Variants in ONECUT2 observed in about 807,000 individuals in gnomAD.
The protein encoded by ONECUT2 is one cut homeobox 2, also known as one cut domain family member 2.
In ONECUT2, 10 loss-of-function variants were observed where a neutral mutation model predicts 27.9. That is an observed-to-expected ratio of 0.36 (90% CI 0.22 to 0.61). The LOEUF (loss-of-function observed/expected upper bound fraction) is 0.61, where lower values mean the gene tolerates loss of function less well. ONECUT2 is among the 20% of genes least tolerant of loss of function. The pLI is 0.73. For missense variants in ONECUT2, 686 were observed against 721.0 expected (o/e 0.95, Z 0.56); for synonymous variants, 334 against 315.1 (o/e 1.06, Z -0.64).
intron 1 of ONECUT2, among the ~76,000 whole-genome samples, chr18:57,447,593 T>C (rs886809372): frequency 3.9e-5 from 6 of 152,176 alleles, no homozygotes; most frequent in Admixed American, 1.3e-4. Context: ...TTTCTCCATG[T>C]TGCTGCCTTC....
At chr18:57,440,162 G>A (rs2050166428) in intron 1 of ONECUT2, among the ~76,000 whole-genome samples, 1 of 152,266 alleles carries the variant, frequency 6.6e-6, no homozygotes, top group Admixed American at 6.5e-5. Flanking sequence ...AACCCCGCCC[G>A]GTCGGGCCTT....
In ONECUT2 at chr18:57,456,215, C is replaced by G. The variant is rs187622295; in HGVS notation, c.1228+19271C>G. Among the ~76,000 whole-genome samples, 3 of 152,238 alleles carry G rather than the reference C, an allele frequency of 2.0e-5. No homozygotes were observed. The East Asian group carries it at 5.8e-4, about 29-fold the overall frequency. ...TTTAAAATGTGAGTTATCACATGAC[C>G]CAGAAATACCACTTCTGAGTATACA... is the stretch of plus-strand genomic sequence containing the variant. On this transcript the variant is annotated intron_variant, in intron 1 of 1. Coordinates refer to ENST00000491143, the MANE Select transcript of ONECUT2 (RefSeq NM_004852.3).
rs554260539 is a variant in ONECUT2, at chr18:57,491,217, C to T, written c.*14494C>T. The T allele has an allele frequency of 2.4e-4, 37 of 152,550 alleles. No homozygotes were observed. The highest frequency in any genetic ancestry group is 8.4e-4 in the African/African-American group (35 of 41,560). 9.4% of individuals were successfully genotyped at this position (152,550 alleles called of 1,614,324 possible). A position where few individuals can be genotyped will look rare whatever the true frequency, so the allele number is the denominator to read the frequency against. Reference sequence around the variant, plus strand: ...TCTGCAACATCGCTTACACTGGATTCTTTCTATTTTTATTCCTATCATTAA... The same window carrying T: ...TCTGCAACATCGCTTACACTGGATTTTTTCTATTTTTATTCCTATCATTAA... On this transcript the variant is annotated 3_prime_UTR_variant, in exon 2 of 2. Transcript: ENST00000491143.
chr18:57,474,331 C>T (rs933898739), intron 1 of ONECUT2, among the ~76,000 whole-genome samples: 7 of 152,144 alleles, frequency 4.6e-5, no homozygotes, highest in Admixed American at 1.3e-4. Flanking sequence ...GTATCTTTCC[C>T]GTAAGTGTTT....
intron 1 of ONECUT2, among the ~76,000 whole-genome samples, chr18:57,469,645 CT>C (rs2050342884): frequency 6.6e-6 from 1 of 152,234 alleles, no homozygotes; most frequent in Admixed American, 6.5e-5. Context: ...AAACAAACAT[CT>C]TTAACCTTTT....
At chr18:57,470,246 G>A (rs575660337) in intron 1 of ONECUT2, among the ~76,000 whole-genome samples, 1 of 152,280 alleles carries the variant, frequency 6.6e-6, no homozygotes, top group Non-Finnish European at 1.5e-5. Context: ...TCCAAGTTGA[G>A]TGGGGAGTTC....
intron 1 of ONECUT2, among the ~76,000 whole-genome samples, 159 bp from the exon 2 acceptor site, chr18:57,476,278 C>T (rs1234650267): frequency 6.6e-6 from 1 of 152,244 alleles, no homozygotes; most frequent in Admixed American, 6.5e-5. Flanking sequence ...CCTTCCATCA[C>T]CCGGAGATTA....
At chr18:57,460,123 T>C (rs1266666837) in intron 1 of ONECUT2, among the ~76,000 whole-genome samples, 1 of 151,004 alleles carries the variant, frequency 6.6e-6, no homozygotes, top group African/African-American at 2.4e-5. Context: ...GATGGAGTCT[T>C]GCTATGTTAC....
intron 1 of ONECUT2, among the ~76,000 whole-genome samples, chr18:57,438,010 C>T (rs895020348): frequency 7.2e-5 from 11 of 152,252 alleles, no homozygotes; most frequent in Non-Finnish European, 1.2e-4. Context: ...GCCGGCTCGG[C>T]TCTTTGTGCC....
intron 1 of ONECUT2, among the ~76,000 whole-genome samples, chr18:57,439,386 G>A (rs539920162): frequency 6.6e-6 from 1 of 152,244 alleles, no homozygotes; most frequent in African/African-American, 2.4e-5. Context: ...TGAGGACCCC[G>A]CTTTGCTCGA....
intron 1 of ONECUT2, among the ~76,000 whole-genome samples, chr18:57,441,493 C>G (rs1266563189): frequency 6.6e-6 from 1 of 152,240 alleles, no homozygotes; most frequent in African/African-American, 2.4e-5. Flanking sequence ...TCGCGGGGCT[C>G]TCTGCCCTCT....
In ONECUT2 at chr18:57,482,047, A is replaced by C. The variant is rs1335541179; in HGVS notation, c.*5324A>C. 6.6e-6 allele frequency: 1 copy of C among 152,182 alleles called. No homozygotes were observed. Among genetic ancestry groups the C allele is most frequent in the Non-Finnish European group, 1.5e-5 (1 of 68,032 alleles). 9.4% of individuals were successfully genotyped at this position (152,182 alleles called of 1,614,324 possible). A position where few individuals can be genotyped will look rare whatever the true frequency, so the allele number is the denominator to read the frequency against. On this transcript the variant is annotated 3_prime_UTR_variant, in exon 2 of 2. Coordinates refer to ENST00000491143, the MANE Select transcript of ONECUT2 (RefSeq NM_004852.3). ...AACTTGATATATTAGTAATTTTTTT[A>C]TCTTTAGCTAAGATCAAGTCACCCC...
rs778121953 is a variant in ONECUT2, at chr18:57,435,816, G to T, written c.100G>T (p.Gly34Trp). 6.2e-6 allele frequency: 7 copies of T among 1,130,742 alleles called. No homozygotes were observed. Among genetic ancestry groups the T allele is most frequent in the Middle Eastern group, 3.8e-4 (1 of 2,620 alleles). The allele number at this position is 1,130,742 out of a possible 1,614,324, so 70.0% of individuals were successfully genotyped here. The change falls in exon 1 of 2, where the codon GGG becomes TGG. Residue 34 changes from glycine to tryptophan, a missense_variant. Gly to Trp is a radical substitution (Grantham distance 184, BLOSUM62 -2). Around this residue, in one of 4 missense-constraint regions of ONECUT2, gnomAD observed 511 missense variants for 488.1 expected, o/e 1.05. Coordinates refer to ENST00000491143, the MANE Select transcript of ONECUT2 (RefSeq NM_004852.3). ...LTMESLGTLH[G>W]PAGGGSGGGG... ...AATGGAAAGTCTGGGCACTTTGCAC[G>T]GGCCGGCCGGCGGCGGCAGTGGCGG...
Position 57,435,686 on chromosome 18 carries a change from C to T in ONECUT2, c.-31C>T. The T allele has an allele frequency of 9.5e-7, 1 of 1,050,084 alleles. No homozygotes were observed. Among genetic ancestry groups the T allele is most frequent in the Non-Finnish European group, 1.2e-6 (1 of 857,870 alleles). The allele number at this position is 1,050,084 out of a possible 1,614,324, so 65.0% of individuals were successfully genotyped here. ...GCCCGCCCGCCGGCCGCCCCCGCCG[C>T]CCCCGCCGCCCCCGGGCCCTGATGG... On this transcript the variant is annotated 5_prime_UTR_variant, in exon 1 of 2. Coordinates refer to ENST00000491143, the MANE Select transcript of ONECUT2 (RefSeq NM_004852.3).
Position 57,488,269 on chromosome 18 carries a change from A to T in ONECUT2, c.*11546A>T, listed in dbSNP as rs1303445895. The T allele has an allele frequency of 6.6e-6, 1 of 152,638 alleles. No individual in the cohort carries two copies. The highest frequency in any genetic ancestry group is 2.4e-5 in the African/African-American group (1 of 41,454). The allele number at this position is 152,638 out of a possible 1,614,324, so 9.5% of individuals were successfully genotyped here. A position where few individuals can be genotyped will look rare whatever the true frequency, so the allele number is the denominator to read the frequency against. On this transcript the variant is annotated 3_prime_UTR_variant, in exon 2 of 2. Transcript: ENST00000491143. ...CTTTTGTAAGACAATTGATGATTGT[A>T]ATAGTGTTTAATCTTCCAGAAAGCT...
intron 1 of ONECUT2, among the ~76,000 whole-genome samples, chr18:57,461,403 A>G (rs930390992): frequency 6.6e-6 from 1 of 152,218 alleles, no homozygotes; most frequent in Non-Finnish European, 1.5e-5. Flanking sequence ...ACATTCTTGT[A>G]CATGTACATG....
At chr18:57,454,894 C>A (rs2050250353) in intron 1 of ONECUT2, among the ~76,000 whole-genome samples, 1 of 152,156 alleles carries the variant, frequency 6.6e-6, no homozygotes, top group South Asian at 2.1e-4. Context: ...TCCCTACAGG[C>A]TTAGATTGGA....
chr18:57,476,548 A>G lies in ONECUT2; in HGVS notation c.1340A>G (p.Glu447Gly), dbSNP rs754115220. 12 of 1,614,234 alleles carry G rather than the reference A, an allele frequency of 7.4e-6. No homozygotes were observed. The South Asian group carries it at 1.3e-4, about 18-fold the overall frequency. Residue 447 changes from glutamate (E) to glycine (G), a missense_variant, in exon 2 of 2, where the codon GAG becomes GGG. By Grantham distance (98) the Glu-to-Gly change is moderately conservative. This residue lies in a region of ONECUT2 where 77 missense variants were observed against 105.5 expected (regional missense o/e 0.73). Transcript: ENST00000491143. ...QRRTLFAIFK[E>G]NKRPSKEMQI... Reference sequence around the variant, plus strand: ...CGAACACTCTTCGCCATCTTCAAGGAGAACAAACGCCCGTCAAAGGAGATG... The same window carrying G: ...CGAACACTCTTCGCCATCTTCAAGGGGAACAAACGCCCGTCAAAGGAGATG...
rs1273506619 is a variant in ONECUT2 at position 57,484,704 on chromosome 18, T to G, written c.*7981T>G. ...TTGAGTAGTTGAGCTGGAAGAGACC[T>G]TAGGAATCATTTAGTCCAAGCCCCG... is the stretch of plus-strand genomic sequence containing the variant. On this transcript the variant is annotated 3_prime_UTR_variant, in exon 2 of 2. Transcript: ENST00000491143. 1 of 152,204 alleles carries G rather than the reference T, an allele frequency of 6.6e-6. No homozygotes were observed. The highest frequency in any genetic ancestry group is 1.5e-5 in the Non-Finnish European group (1 of 68,066). 9.4% of individuals were successfully genotyped at this position (152,204 alleles called of 1,614,324 possible). A position where few individuals can be genotyped will look rare whatever the true frequency, so the allele number is the denominator to read the frequency against.
Sources: allele counts gnomAD v4.1 joint callset (sites outside exome capture counted in the v4.1 genomes callset), GRCh38; gene constraint gnomAD v4.1.1; regional missense constraint gnomAD v4.1.1; transcripts MANE v1.5; gene names NCBI Gene and HGNC (gene_info 2026-07-23, HGNC 2026-07-21).